Variants in TRIO observed in about 807,000 individuals in gnomAD.
TRIO encodes trio Rho guanine nucleotide exchange factor.
TRIO carries 58 observed loss-of-function variants against 351.9 expected under a neutral mutation model. The ratio of observed to expected loss-of-function variants is 0.16; its 90% confidence interval spans 0.13 to 0.21. The LOEUF is 0.21. Ranked by LOEUF, TRIO falls within the 10% of genes least tolerant of loss-of-function variation. The pLI, the probability that TRIO is intolerant of heterozygous loss-of-function variation, is 1.00. For missense variants in TRIO, 3,201 were observed against 4,027.8 expected (o/e 0.79, Z 5.56); for synonymous variants, 1,758 against 1,595.7 (o/e 1.10, Z -2.42).
chr5:14,256,422 A>G (rs1795023585), intron 1 of TRIO, among the ~76,000 whole-genome samples: 1 of 152,194 alleles, frequency 6.6e-6, no homozygotes, highest in Non-Finnish European at 1.5e-5. Context: ...GGTTATGCAG[A>G]AAGTCCGCAT....
chr5:14,363,454 G>A lies in TRIO; in HGVS notation c.2392-278G>A, dbSNP rs30782. On this transcript the variant is annotated intron_variant, in intron 13 of 56. Coordinates refer to ENST00000344204, the MANE Select transcript of TRIO (RefSeq NM_007118.4). ...CACAGTTTTGGTAATTTTTCTCTTTGGATACACAAAGAGAAAAATTATTTA... is the reference window on the plus strand; with the variant it reads ...CACAGTTTTGGTAATTTTTCTCTTTAGATACACAAAGAGAAAAATTATTTA... 0.85 allele frequency among the ~76,000 whole-genome samples: 129,956 copies of A among 152,210 alleles called. 55,662 individuals carry two copies. Among genetic ancestry groups the A allele is most frequent in the African/African-American group, 0.89 (36,999 of 41,540 alleles).
chr5:14,200,457 G>A (rs559019793), intron 1 of TRIO, among the ~76,000 whole-genome samples: 9 of 152,232 alleles, frequency 5.9e-5, no homozygotes, highest in African/African-American at 1.4e-4. Flanking sequence ...AGACAGGCAT[G>A]CTTTTTGGAG....
rs552978005 is a variant in TRIO at position 14,488,986 on chromosome 5, C to T, written c.7632+726C>T. ...AGGGTTGCTGTGGTGGGTTTTCCCT[C>T]TGTTTCCTGCTTCCTCACTGTCCTA... On this transcript the variant is annotated intron_variant, in intron 48 of 56. Coordinates refer to ENST00000344204, the MANE Select transcript of TRIO (RefSeq NM_007118.4). 9.2e-6 allele frequency: 7 copies of T among 764,972 alleles called. No individual in the cohort carries two copies. In the East Asian group the frequency reaches 1.5e-4, roughly 16 times the overall value. The allele number at this position is 764,972 out of a possible 1,614,324, so 47.4% of individuals were successfully genotyped here. A position where few individuals can be genotyped will look rare whatever the true frequency, so the allele number is the denominator to read the frequency against.
At chr5:14,362,747 G>A (rs900488640) in intron 13 of TRIO, among the ~76,000 whole-genome samples, 25 of 152,082 alleles carry the variant, frequency 1.6e-4, no homozygotes, top group Non-Finnish European at 1.5e-5. Context: ...CACTTCCCTC[G>A]GGACCCTGAG....
chr5:14,174,111 AT>A (rs1789266962), intron 1 of TRIO, among the ~76,000 whole-genome samples: 1 of 152,162 alleles, frequency 6.6e-6, no homozygotes, highest in Non-Finnish European at 1.5e-5. Flanking sequence ...AGAGCTGCTG[AT>A]TTATGGAGAA....
At chr5:14,465,480 C>T in intron 36 of TRIO, 65 bp from the exon 37 acceptor site, 1 of 1,497,312 alleles carries the variant, frequency 6.7e-7, no homozygotes, top group Non-Finnish European at 9.3e-7. Flanking sequence ...GGGGAATTTA[C>T]TGTCTGACCA....
At position 14,482,704 on chromosome 5, in the gene TRIO, A is replaced by G. The variant is rs1755617322; in HGVS notation, c.6588A>G (p.Ile2196Met). The change falls in exon 46 of 57, where the codon ATA (isoleucine) becomes ATG (methionine). Residue 2196 changes from isoleucine (I) to methionine (M), a missense_variant. Ile to Met is a conservative substitution (Grantham distance 10). Around this residue, in one of 19 missense-constraint regions of TRIO, gnomAD observed 1,089 missense variants for 954.9 expected, o/e 1.14. Transcript: ENST00000344204. ...TCTTCCTCTTTGAGCAGATCGTCATATTCAGCGAACCACTTGATAAAAAGA... is the reference window on the plus strand; with the variant it reads ...TCTTCCTCTTTGAGCAGATCGTCATGTTCAGCGAACCACTTGATAAAAAGA... ...RRIFLFEQIV[I>M]FSEPLDKKKG... 6.2e-7 allele frequency: 1 copy of G among 1,611,470 alleles called. No individual in the cohort carries two copies. The highest frequency in any genetic ancestry group is 8.5e-7 in the Non-Finnish European group (1 of 1,178,308).
At chr5:14,415,517 A>G (rs1749568303) in intron 33 of TRIO, among the ~76,000 whole-genome samples, 1 of 152,192 alleles carries the variant, frequency 6.6e-6, no homozygotes, top group Non-Finnish European at 1.5e-5. Flanking sequence ...GTCCCCAGCC[A>G]CAGCTCTTGT....
chr5:14,228,831 A>G (rs1421859254), intron 1 of TRIO, among the ~76,000 whole-genome samples: 1 of 152,132 alleles, frequency 6.6e-6, no homozygotes, highest in Admixed American at 6.6e-5. Context: ...AGATCATGCC[A>G]CTGCACTCCA....
intron 17 of TRIO, among the ~76,000 whole-genome samples, chr5:14,369,121 TTTAAA>T (rs1436971702): frequency 1.3e-5 from 2 of 152,294 alleles, no homozygotes; most frequent in East Asian, 3.9e-4. Flanking sequence ...CTTCTTGTCA[TTTAAA>T]CATAGGACCT....
chr5:14,478,183 A>G (rs1273029806), intron 41 of TRIO, among the ~76,000 whole-genome samples: 1 of 152,198 alleles, frequency 6.6e-6, no homozygotes, highest in Non-Finnish European at 1.5e-5. Context: ...TGTTATGTGG[A>G]CATCATCTTG....
chr5:14,319,875 C>T (rs532946834), intron 9 of TRIO, among the ~76,000 whole-genome samples: 77 of 152,208 alleles, frequency 5.1e-4, no homozygotes, highest in South Asian at 1.0e-3. Flanking sequence ...AATTTTTTCC[C>T]CTCTTAATAA....
chr5:14,230,885 C>G (rs1244448547), intron 1 of TRIO, among the ~76,000 whole-genome samples: 1 of 152,066 alleles, frequency 6.6e-6, no homozygotes. Context: ...GTTTTTTGAG[C>G]TGGAAAGTGA....
intron 48 of TRIO, chr5:14,488,741 G>T: frequency 1.7e-6 from 1 of 582,506 alleles, no homozygotes; most frequent in Non-Finnish European, 3.1e-6. Flanking sequence ...ATTCCCTCAA[G>T]AAAACTTCCA....
intron 1 of TRIO, among the ~76,000 whole-genome samples, chr5:14,187,447 A>AT (rs926675393): frequency 6.6e-6 from 1 of 151,746 alleles, no homozygotes; most frequent in African/African-American, 2.4e-5. Flanking sequence ...TGTGGGCTTT[A>AT]TTTTTATTCC....
intron 10 of TRIO, among the ~76,000 whole-genome samples, chr5:14,336,305 A>G (rs1246062592): frequency 1.3e-5 from 2 of 152,212 alleles, no homozygotes; most frequent in East Asian, 3.9e-4. Context: ...ACTACCTTCA[A>G]TACAAGGGTT....
At chr5:14,164,016 CT>C (rs1343853912) in intron 1 of TRIO, among the ~76,000 whole-genome samples, 9 of 152,150 alleles carry the variant, frequency 5.9e-5, no homozygotes, top group African/African-American at 2.2e-4. Flanking sequence ...GTAGTGAGCA[CT>C]TTCTTTGACT....
intron 53 of TRIO, among the ~76,000 whole-genome samples, chr5:14,500,888 CAAAAAAAAAA>C (rs34729667): frequency 6.3e-5 from 4 of 63,572 alleles, no homozygotes; most frequent in Non-Finnish European, 8.5e-5. Context: ...GACTCTGCCT[CAAAAAAAAAA>C]AAAAAAAAAA....
chr5:14,436,369 C>G (rs1395059109), intron 34 of TRIO, among the ~76,000 whole-genome samples: 1 of 152,128 alleles, frequency 6.6e-6, no homozygotes, highest in Non-Finnish European at 1.5e-5. Context: ...CAATTACTTC[C>G]CACCAGGTCC....
Sources: gnomAD v4.1 joint callset for allele counts (sites outside exome capture counted in the v4.1 genomes callset) on GRCh38, gnomAD v4.1.1 for gene constraint, gnomAD v4.1.1 regional missense constraint, MANE v1.5 for transcripts, NCBI Gene and HGNC (gene_info 2026-07-23, HGNC 2026-07-21) for gene names.